The following SCD5 variants were observed in gnomAD, a reference collection of about 807,000 sequenced individuals.
SCD5 encodes acyl-CoA-desaturase 4.
SCD5 carries 20 observed loss-of-function variants against 30.4 expected under a neutral mutation model. The observed-to-expected ratio is 0.66, with a 90% CI of 0.46 to 0.96. The LOEUF is 0.96. Ranked by LOEUF, SCD5 falls within the 40% of genes least tolerant of loss-of-function variation. SCD5 has a pLI of 0.00. For missense variants in SCD5, 381 were observed against 443.3 expected (o/e 0.86, Z 1.26); for synonymous variants, 173 against 176.4 (o/e 0.98, Z 0.16).
At chr4:82,664,798 C>G (rs1291194983) in intron 3 of SCD5, among the ~76,000 whole-genome samples, 1 of 151,714 alleles carries the variant, frequency 6.6e-6, no homozygotes, top group Admixed American at 6.6e-5. Flanking sequence ...ATCTGTGGGA[C>G]AACATAAAAT....
intron 1 of SCD5, among the ~76,000 whole-genome samples, chr4:82,727,695 T>C (rs996383950): frequency 6.6e-6 from 1 of 152,162 alleles, no homozygotes; most frequent in Non-Finnish European, 1.5e-5. Flanking sequence ...CTTTCTGGCC[T>C]TGAGACTTTT....
intron 3 of SCD5, among the ~76,000 whole-genome samples, chr4:82,648,285 C>A (rs1291050318): frequency 6.6e-6 from 1 of 152,252 alleles, no homozygotes; most frequent in Non-Finnish European, 1.5e-5. Context: ...GATTGCAAAC[C>A]TGGAGGCTGA....
intron 3 of SCD5, among the ~76,000 whole-genome samples, chr4:82,663,683 G>C (rs1463397954): frequency 6.6e-6 from 1 of 152,214 alleles, no homozygotes; most frequent in East Asian, 1.9e-4. Flanking sequence ...TAAGCTGCTG[G>C]AGGAATACAG....
At chr4:82,742,334 A>C (rs1720892576) in intron 1 of SCD5, among the ~76,000 whole-genome samples, 2 of 152,098 alleles carry the variant, frequency 1.3e-5, no homozygotes, top group African/African-American at 4.8e-5. Flanking sequence ...AAACGTGGCC[A>C]CTCAGAAGAG....
chr4:82,796,612 C>A (rs1039077133), intron 1 of SCD5, among the ~76,000 whole-genome samples: 7 of 152,096 alleles, frequency 4.6e-5, no homozygotes, highest in Non-Finnish European at 8.8e-5. Flanking sequence ...GAGCCCTAGG[C>A]ATGTAAGATA....
chr4:82,678,306 C>T (rs1363276614), intron 3 of SCD5, among the ~76,000 whole-genome samples: 3 of 152,066 alleles, frequency 2.0e-5, no homozygotes, highest in African/African-American at 7.2e-5. Flanking sequence ...GTTCTTCTTC[C>T]TGCATTTAGA....
chr4:82,780,667 C>T (rs1177380224), intron 1 of SCD5, among the ~76,000 whole-genome samples: 1 of 152,258 alleles, frequency 6.6e-6, no homozygotes, highest in Non-Finnish European at 1.5e-5. Context: ...GTCTCATAAG[C>T]CCAATTAATA....
chr4:82,649,189 GTGTGT>G (rs1182398281), intron 3 of SCD5, among the ~76,000 whole-genome samples: 2 of 135,628 alleles, frequency 1.5e-5, no homozygotes, highest in African/African-American at 6.5e-5. Context: ...GGGTGTGTGT[GTGTGT>G]GTGTGTGTGT....
chr4:82,788,426 C>T (rs376078023), intron 1 of SCD5, among the ~76,000 whole-genome samples: 1 of 151,954 alleles, frequency 6.6e-6, no homozygotes, highest in Non-Finnish European at 1.5e-5. Flanking sequence ...AGTCTCGCTC[C>T]GTCACCCAGG....
At chr4:82,697,330 G>T (rs777812499) in intron 2 of SCD5, among the ~76,000 whole-genome samples, 12 of 152,100 alleles carry the variant, frequency 7.9e-5, no homozygotes, top group Admixed American at 7.9e-4. Flanking sequence ...AAAGTATTGC[G>T]GTTTTTTTGG....
chr4:82,690,298 G>T (rs1467250555), intron 2 of SCD5, among the ~76,000 whole-genome samples: 1 of 152,190 alleles, frequency 6.6e-6, no homozygotes, highest in East Asian at 1.9e-4. Context: ...AAGAGCAAGG[G>T]AATAAAGCAA....
Position 82,661,180 on chromosome 4 carries a change from C to A in SCD5, c.569+19527G>T, listed in dbSNP as rs1727997103. ...GTAGAAATTGTGTCAATAACAAAAC[C>A]TTGCATCTCTCAATCTAATCATCCC... On this transcript the variant is annotated intron_variant, in intron 3 of 4. Coordinates refer to ENST00000319540, the MANE Select transcript of SCD5 (RefSeq NM_001037582.3). The A allele has an allele frequency of 4.1e-6, 4 of 968,698 alleles. No individual in the cohort carries two copies. In the Admixed American group the frequency reaches 5.4e-5, roughly 13 times the overall value. 60.0% of individuals were successfully genotyped at this position (968,698 alleles called of 1,614,324 possible). A position where few individuals can be genotyped will look rare whatever the true frequency, so the allele number is the denominator to read the frequency against.
chr4:82,735,191 G>A (rs551513177), intron 1 of SCD5, among the ~76,000 whole-genome samples: 1 of 152,208 alleles, frequency 6.6e-6, no homozygotes. Flanking sequence ...CGAGGCCACT[G>A]TCTGTGCGGT....
At chr4:82,640,160 C>A (rs1213448152) in intron 3 of SCD5, among the ~76,000 whole-genome samples, 4 of 152,178 alleles carry the variant, frequency 2.6e-5, no homozygotes, top group Non-Finnish European at 5.9e-5. Flanking sequence ...CCTGCAGCAC[C>A]CAGCTTCCAC....
chr4:82,631,260 G>C lies in SCD5; in HGVS notation c.*67C>G. 2.1e-6 allele frequency: 3 copies of C among 1,429,708 alleles called. No homozygotes were observed. In the South Asian group the frequency reaches 3.9e-5, roughly 19 times the overall value. 88.6% of individuals were successfully genotyped at this position (1,429,708 alleles called of 1,614,324 possible). On this transcript the variant is annotated 3_prime_UTR_variant, in exon 5 of 5. Coordinates refer to ENST00000319540, the MANE Select transcript of SCD5 (RefSeq NM_001037582.3). ...CCCTCCCACGATCCAATGTACAAGA[G>C]AGCTATTGTAACCAAAGCCATGAAC...
At chr4:82,634,801 T>C (rs1167520694) in intron 4 of SCD5, among the ~76,000 whole-genome samples, 2 of 152,198 alleles carry the variant, frequency 1.3e-5, no homozygotes. Context: ...GAATCAACAC[T>C]GGCCACGGCT....
chr4:82,739,006 G>A (rs1224786795), intron 1 of SCD5, among the ~76,000 whole-genome samples: 1 of 152,112 alleles, frequency 6.6e-6, no homozygotes, highest in Non-Finnish European at 1.5e-5. Flanking sequence ...TTGATGATTT[G>A]TAGCAAACTG....
chr4:82,762,264 T>TC (rs1721390946), intron 1 of SCD5, among the ~76,000 whole-genome samples: 1 of 145,548 alleles, frequency 6.9e-6, no homozygotes, highest in South Asian at 2.2e-4. Flanking sequence ...GGGGCTAATT[T>TC]TTTTTTTAGA....
At position 82,722,586 on chromosome 4, in the gene SCD5, A is replaced by G. The variant is rs575852415; in HGVS notation, c.233-17173T>C. Reference sequence around the variant, plus strand: ...CGAGACCAGCCTGGCCAACGTGGTGAAACACTAGGTGTCTACTAAAAATGC... The same window carrying G: ...CGAGACCAGCCTGGCCAACGTGGTGGAACACTAGGTGTCTACTAAAAATGC... On this transcript the variant is annotated intron_variant, in intron 1 of 4. Transcript: ENST00000319540. Among the ~76,000 whole-genome samples the G allele has an allele frequency of 3.9e-5, 6 of 152,054 alleles. No homozygotes were observed. In the South Asian group the frequency reaches 1.0e-3, roughly 26 times the overall value.
Sources: gnomAD v4.1 joint callset for allele counts (sites outside exome capture counted in the v4.1 genomes callset) on GRCh38, gnomAD v4.1.1 for gene constraint, MANE v1.5 for transcripts, NCBI Gene and HGNC (gene_info 2026-07-23, HGNC 2026-07-21) for gene names.